The following DPF3 variants were observed in gnomAD, a reference collection of about 807,000 sequenced individuals.
DPF3 encodes the protein double PHD fingers 3.
A neutral mutation model predicts 56.8 loss-of-function variants in DPF3; 18 were observed. The observed-to-expected ratio is 0.32, with a 90% CI of 0.22 to 0.47. The LOEUF is 0.47. Ranked by LOEUF, DPF3 falls within the 20% of genes least tolerant of loss-of-function variation. DPF3 has a pLI of 1.00. For synonymous variants in DPF3, 188 were observed against 180.2 expected, an observed-to-expected ratio of 1.04 and a Z score of -0.35; for missense variants, 403 against 488.8, an observed-to-expected ratio of 0.82 and a Z score of 1.65.
intron 8 of DPF3, chr14:72,671,542 C>T (rs891897740): frequency 9.1e-6 from 7 of 772,442 alleles, no homozygotes; most frequent in Non-Finnish European, 1.2e-5. Context: ...CCCCACTCCC[C>T]GAAAAGGCAT....
intron 1 of DPF3, among the ~76,000 whole-genome samples, chr14:72,825,800 G>A (rs1883775187): frequency 1.4e-5 from 2 of 148,060 alleles, no homozygotes; most frequent in Non-Finnish European, 3.0e-5. Context: ...ACAGTACCCT[G>A]TGGATACTAA....
chr14:72,838,517 A>C (rs1884396050), intron 1 of DPF3, among the ~76,000 whole-genome samples: 1 of 151,918 alleles, frequency 6.6e-6, no homozygotes, highest in African/African-American at 2.4e-5. Context: ...CCTGGAGAAG[A>C]CAGCAGTCCA....
At chr14:72,830,355 G>T (rs1884001344) in intron 1 of DPF3, among the ~76,000 whole-genome samples, 1 of 152,206 alleles carries the variant, frequency 6.6e-6, no homozygotes, top group Non-Finnish European at 1.5e-5. Flanking sequence ...TAAAAATCCA[G>T]TTACACTGTC....
intron 5 of DPF3, among the ~76,000 whole-genome samples, chr14:72,721,993 G>A (rs4243642): frequency 7.9e-5 from 12 of 152,088 alleles, no homozygotes; most frequent in African/African-American, 2.4e-4. Flanking sequence ...TGTGGAATCC[G>A]GGAGACTTCA....
intron 1 of DPF3, among the ~76,000 whole-genome samples, chr14:72,828,293 G>A (rs999927397): frequency 2.0e-5 from 3 of 152,132 alleles, no homozygotes; most frequent in Non-Finnish European, 4.4e-5. Flanking sequence ...CAGGTTCATA[G>A]AGCTATGGGG....
intron 1 of DPF3, chr14:72,879,702 C>A: frequency 7.2e-7 from 1 of 1,393,378 alleles, no homozygotes; most frequent in East Asian, 2.5e-5. Flanking sequence ...TTTGCTCAGA[C>A]ACCAGGGGAA....
At position 72,614,755 on chromosome 14, in the gene DPF3, T is replaced by C. The variant is rs1307884638; in HGVS notation, c.*4542A>G. Among the ~76,000 whole-genome samples, 2 of 111,422 alleles carry C rather than the reference T, an allele frequency of 1.8e-5. No individual in the cohort carries two copies. Among genetic ancestry groups the C allele is most frequent in the African/African-American group, 7.2e-5 (2 of 27,932 alleles). The allele number at this position is 111,422 out of a possible 152,430, so 73.1% of individuals were successfully genotyped here. A position where few individuals can be genotyped will look rare whatever the true frequency, so the allele number is the denominator to read the frequency against. The stretch of plus-strand genomic sequence containing the variant: ...ACAAAATAATAATAATAATAATCTG[T>C]TGCCCAGGATCACAAGCCTCAGAAA... On this transcript the variant is annotated 3_prime_UTR_variant, in exon 11 of 11. Transcript: ENST00000556509.
At chr14:72,823,569 G>A (rs17121181) in intron 1 of DPF3, among the ~76,000 whole-genome samples, 5,432 of 152,190 alleles carry the variant, frequency 0.036, 276 homozygotes, top group African/African-American at 0.11. Context: ...GCAGCATTGC[G>A]TGGCGAGGAG....
At chr14:72,844,478 AG>A (rs2140073097) in intron 1 of DPF3, among the ~76,000 whole-genome samples, 1 of 152,326 alleles carries the variant, frequency 6.6e-6, no homozygotes, top group African/African-American at 2.4e-5. Flanking sequence ...CTGATCTAAC[AG>A]GGTCTTGAAT....
chr14:72,701,271 C>T (rs1023837641), intron 6 of DPF3, among the ~76,000 whole-genome samples: 12 of 152,304 alleles, frequency 7.9e-5, no homozygotes, highest in Middle Eastern at 3.4e-3. Context: ...CCTTGGCAAG[C>T]GTGCACCTGG....
chr14:72,796,860 A>G, intron 1 of DPF3, among the ~76,000 whole-genome samples: 1 of 152,186 alleles, frequency 6.6e-6, no homozygotes, highest in Non-Finnish European at 1.5e-5. Flanking sequence ...GATGGACCCC[A>G]AGAGGTAGGG....
intron 1 of DPF3, among the ~76,000 whole-genome samples, chr14:72,853,034 C>CATGTGTGTGTGTGTGTGTGT (rs1555513225): frequency 6.9e-6 from 1 of 144,002 alleles, no homozygotes; most frequent in Admixed American, 7.1e-5. Context: ...CATAGCCTTG[C>CATGTGTGTGTGTGTGTGTGT]GTGTGTGTGT....
intron 4 of DPF3, chr14:72,731,495 A>T: frequency 3.6e-6 from 1 of 277,784 alleles, no homozygotes. Flanking sequence ...ACAAGGATTC[A>T]GACTGTTTTG....
At chr14:72,887,505 G>T (rs1481455049) in intron 1 of DPF3, among the ~76,000 whole-genome samples, 1 of 152,182 alleles carries the variant, frequency 6.6e-6, no homozygotes, top group South Asian at 2.1e-4. Flanking sequence ...AGAAACTGTG[G>T]AAGTCTCCAG....
At chr14:72,650,990 T>C (rs1885891892) in intron 8 of DPF3, among the ~76,000 whole-genome samples, 2 of 152,214 alleles carry the variant, frequency 1.3e-5, no homozygotes, top group African/African-American at 4.8e-5. Flanking sequence ...GGTTCCTCAC[T>C]TGATCAACTC....
At chr14:72,663,987 T>A (rs1886338052) in intron 8 of DPF3, among the ~76,000 whole-genome samples, 1 of 152,038 alleles carries the variant, frequency 6.6e-6, no homozygotes, top group East Asian at 1.9e-4. Context: ...CCTGCTCCTG[T>A]TCCTTGCCTC....
Position 72,674,453 on chromosome 14 carries a change from C to A in DPF3, c.743-85G>T, listed in dbSNP as rs1237759577. On this transcript the variant is annotated intron_variant, in intron 7 of 10. Transcript: ENST00000556509. ...TTCTCCTCCTACAGTGTGGTAGAAT[C>A]TGCTCCAGAAGGAATCTGAGGTTTT... is the stretch of plus-strand genomic sequence containing the variant. The A allele has an allele frequency of 1.6e-5, 24 of 1,506,148 alleles. No individual in the cohort carries two copies. The East Asian group carries it at 5.2e-4, about 33-fold the overall frequency. The allele number at this position is 1,506,148 out of a possible 1,614,324, so 93.3% of individuals were successfully genotyped here. A position where few individuals can be genotyped will look rare whatever the true frequency, so the allele number is the denominator to read the frequency against.
intron 1 of DPF3, among the ~76,000 whole-genome samples, chr14:72,830,323 A>C (rs1884000134): frequency 6.6e-6 from 1 of 152,186 alleles, no homozygotes; most frequent in African/African-American, 2.4e-5. Flanking sequence ...AGAACCACTG[A>C]ATTTTTTAAA....
intron 1 of DPF3, among the ~76,000 whole-genome samples, chr14:72,794,908 G>A (rs2139989833): frequency 1.3e-5 from 2 of 152,096 alleles, no homozygotes; most frequent in East Asian, 3.9e-4. Context: ...TTCCTCCCAT[G>A]TGTCACTTCT....
Sources: gnomAD v4.1 joint callset for allele counts (sites outside exome capture counted in the v4.1 genomes callset) on GRCh38, gnomAD v4.1.1 for gene constraint, MANE v1.5 for transcripts, NCBI Gene and HGNC (gene_info 2026-07-23, HGNC 2026-07-21) for gene names.